METTL15: variants seen among roughly 807,000 people sequenced by gnomAD.
METTL15 encodes the protein methyltransferase 15, mitochondrial 12S rRNA N4-cytidine.
Under a neutral mutation model 38.3 loss-of-function variants are expected in METTL15, and 34 were observed. The ratio of observed to expected loss-of-function variants is 0.89; its 90% CI spans 0.68 to 1.18. The LOEUF (loss-of-function observed/expected upper bound fraction) is 1.18. Ranked by LOEUF, METTL15 falls within the 50% of genes most tolerant of loss-of-function variation. The pLI, the probability that METTL15 is intolerant of heterozygous loss-of-function variation, is 0.00. For synonymous variants in METTL15, 162 were observed against 170.9 expected (o/e 0.95, Z 0.41); for missense variants, 438 against 498.4 (o/e 0.88, Z 1.15).
intron 5 of METTL15, among the ~76,000 whole-genome samples, chr11:28,389,953 G>C (rs1039248743): frequency 2.3e-4 from 35 of 152,088 alleles, no homozygotes; most frequent in African/African-American, 8.0e-4. Context: ...ATCTCATTGT[G>C]GTTTTGATTT....
intron 4 of METTL15, among the ~76,000 whole-genome samples, chr11:28,276,016 C>A (rs1855828894): frequency 6.6e-6 from 1 of 151,978 alleles, no homozygotes; most frequent in Non-Finnish European, 1.5e-5. Context: ...AGTTGAAAGT[C>A]TTTTCTCTAG....
intron 3 of METTL15, among the ~76,000 whole-genome samples, chr11:28,166,476 T>G (rs1367746376): frequency 6.6e-6 from 1 of 152,232 alleles, no homozygotes; most frequent in Non-Finnish European, 1.5e-5. Flanking sequence ...TAGCCTGTTT[T>G]ATGTCTTTGT....
At chr11:28,248,197 T>C (rs941423020) in intron 4 of METTL15, among the ~76,000 whole-genome samples, 1 of 152,122 alleles carries the variant, frequency 6.6e-6, no homozygotes, top group Non-Finnish European at 1.5e-5. Context: ...TCTCTTTGCA[T>C]AGTTGCCTCT....
At chr11:28,369,633 A>G (rs1850223288) in intron 5 of METTL15, among the ~76,000 whole-genome samples, 1 of 152,164 alleles carries the variant, frequency 6.6e-6, no homozygotes, top group African/African-American at 2.4e-5. Flanking sequence ...GGGGTTATAT[A>G]ATCAAGGTGC....
At chr11:28,336,330 C>A (rs1849900403), downstream of METTL15, among the ~76,000 whole-genome samples, 1 of 152,146 alleles carries the variant, frequency 6.6e-6, no homozygotes, top group African/African-American at 2.4e-5. Flanking sequence ...CCTCCACCTT[C>A]ATATCAGTAA....
At chr11:28,207,317 A>C (rs942993440) in intron 3 of METTL15, among the ~76,000 whole-genome samples, 5 of 152,092 alleles carry the variant, frequency 3.3e-5, no homozygotes, top group South Asian at 2.1e-4. Flanking sequence ...TTTTAGCATG[A>C]AGGGCTGTTG....
At chr11:28,121,132 A>G (rs1203448409) in intron 3 of METTL15, among the ~76,000 whole-genome samples, 5 of 152,132 alleles carry the variant, frequency 3.3e-5, no homozygotes. Context: ...CTACCTAACT[A>G]TATTGAACCT....
intron 3 of METTL15, among the ~76,000 whole-genome samples, chr11:28,154,599 C>T (rs751688657): frequency 6.6e-6 from 1 of 152,066 alleles, no homozygotes; most frequent in Non-Finnish European, 1.5e-5. Flanking sequence ...GTTGTAATGT[C>T]AGAGGTCTGT....
chr11:28,384,252 A>G lies in METTL15; in HGVS notation c.*358+22216A>G, dbSNP rs532527378. On this transcript the variant is annotated intron_variant and NMD_transcript_variant, in intron 5 of 7. Coordinates refer to the METTL15 transcript ENST00000532947. ...TGATTCAATGTCTTTGCTGTTGTGT[A>G]TAGTGTGTAAGTAGTGCTGCACTAA... Among the ~76,000 whole-genome samples the G allele has an allele frequency of 2.0e-5, 3 of 151,528 alleles. No homozygotes were observed. The East Asian group carries it at 5.8e-4, about 29-fold the overall frequency.
chr11:28,220,160 G>A (rs1429715107), intron 4 of METTL15, among the ~76,000 whole-genome samples: 1 of 152,128 alleles, frequency 6.6e-6, no homozygotes, highest in Non-Finnish European at 1.5e-5. Flanking sequence ...TGACAGTGGG[G>A]TGTTAAAGTC....
chr11:28,385,615 G>C lies in METTL15; in HGVS notation c.*358+23579G>C, dbSNP rs1219387645. Among the ~76,000 whole-genome samples the C allele has an allele frequency of 2.0e-5, 3 of 151,982 alleles. No individual in the cohort carries two copies. In the East Asian group the frequency reaches 5.8e-4, roughly 29 times the overall value. On this transcript the variant is annotated intron_variant and NMD_transcript_variant, in intron 5 of 7. Coordinates refer to the METTL15 transcript ENST00000532947. ...TGTTCTTTTTGCTTAGGATTGTCTT[G>C]GCTATTTGGACCTTTTGTAAAAAGG...
intron 6 of METTL15, among the ~76,000 whole-genome samples, chr11:28,467,986 G>A (rs546075988): frequency 3.2e-4 from 48 of 152,274 alleles, no homozygotes; most frequent in South Asian, 2.1e-3. Context: ...CTACTGGACT[G>A]TCTAGCTGGC....
intron 3 of METTL15, among the ~76,000 whole-genome samples, chr11:28,183,280 A>T: frequency 6.6e-6 from 1 of 152,070 alleles, no homozygotes; most frequent in East Asian, 1.9e-4. Context: ...CCTGGCCAGA[A>T]CTTCCAATAC....
rs1330567277 is a variant in METTL15 at position 28,333,166 on chromosome 11, C to G, written c.*2325C>G. ...ATGTATTTCTGCTGTTTTAAGGTAC[C>G]CAGTTCATGGTAATTTGTTACAGCA... On this transcript the variant is annotated 3_prime_UTR_variant, in exon 7 of 7. Coordinates refer to ENST00000407364, the MANE Select transcript of METTL15 (RefSeq NM_001113528.2). 1 of 151,532 alleles carries G rather than the reference C, an allele frequency of 6.6e-6. No homozygotes were observed. Among genetic ancestry groups the G allele is most frequent in the African/African-American group, 2.4e-5 (1 of 41,112 alleles). 9.4% of individuals were successfully genotyped at this position (151,532 alleles called of 1,614,324 possible).
At chr11:28,489,608 G>C (rs917707376) in intron 6 of METTL15, among the ~76,000 whole-genome samples, 4 of 147,650 alleles carry the variant, frequency 2.7e-5, no homozygotes, top group African/African-American at 9.8e-5. Context: ...TGGAAGCCCA[G>C]AGAGAGAGAG....
chr11:28,297,594 T>C (rs1856786247), intron 6 of METTL15, among the ~76,000 whole-genome samples: 1 of 152,142 alleles, frequency 6.6e-6, no homozygotes, highest in South Asian at 2.1e-4. Flanking sequence ...TAGGAGGCGC[T>C]TTATTATAGC....
In METTL15 at chr11:28,157,712, G is replaced by A. The variant is rs190244055; in HGVS notation, c.270+44108G>A. 3.3e-4 allele frequency among the ~76,000 whole-genome samples: 50 copies of A among 152,196 alleles called. No individual in the cohort carries two copies. The East Asian group carries it at 8.9e-3, about 27-fold the overall frequency. On this transcript the variant is annotated intron_variant, in intron 3 of 6. Transcript: ENST00000407364. ...AAGTGGTATCTACGTGATCGGGCTC[G>A]AGCAGGTCCTGAAGGCACAAGTAAT...
At chr11:28,461,288 TC>T (rs1206176052) in intron 6 of METTL15, among the ~76,000 whole-genome samples, 1 of 152,136 alleles carries the variant, frequency 6.6e-6, no homozygotes, top group Non-Finnish European at 1.5e-5. Context: ...GTATCAGTCT[TC>T]TTAGGAAAGT....
intron 4 of METTL15, among the ~76,000 whole-genome samples, chr11:28,251,868 A>G (rs539840116): frequency 6.6e-6 from 1 of 152,084 alleles, no homozygotes; most frequent in South Asian, 2.1e-4. Flanking sequence ...TTTTCACTCC[A>G]TCATGGTGAG....
Sources: gnomAD v4.1 joint callset for allele counts (sites outside exome capture counted in the v4.1 genomes callset) on GRCh38, gnomAD v4.1.1 for gene constraint, MANE v1.5 for transcripts, NCBI Gene and HGNC (gene_info 2026-07-23, HGNC 2026-07-21) for gene names.